Variants in ADGRL4 observed in about 807,000 individuals in gnomAD.
ADGRL4 encodes adhesion G protein-coupled receptor L4.
ADGRL4 carries 90 observed loss-of-function variants against 74.8 expected under a neutral mutation model. The observed-to-expected ratio is 1.20, with a 90% confidence interval of 1.02 to 1.43. ADGRL4 has a LOEUF of 1.43. Among genes scored for constraint, ADGRL4 ranks in the 40% most tolerant of loss-of-function variants. The probability of loss-of-function intolerance (pLI) is 0.00; values close to 1 mark genes in which losing one functional copy is unlikely to be tolerated. For synonymous variants in ADGRL4, 311 were observed against 279.2 expected (o/e 1.11, Z -1.14); for missense variants, 881 against 814.3 (o/e 1.08, Z -1.00).
At chr1:78,942,668 C>T (rs1233428672) in intron 3 of ADGRL4, among the ~76,000 whole-genome samples, 1 of 150,450 alleles carries the variant, frequency 6.6e-6, no homozygotes, top group Non-Finnish European at 1.5e-5. Context: ...CTGGCTCACA[C>T]CTGTAATCCC....
intron 3 of ADGRL4, among the ~76,000 whole-genome samples, chr1:78,944,547 T>C (rs1050555259): frequency 6.6e-6 from 1 of 152,214 alleles, no homozygotes; most frequent in African/African-American, 2.4e-5. Context: ...AAATTACCAT[T>C]CAACAGTAAT....
chr1:78,975,638 G>A (rs4147223), intron 2 of ADGRL4, among the ~76,000 whole-genome samples: 92,632 of 151,594 alleles, frequency 0.61, 28,279 homozygotes, highest in East Asian at 0.72. Flanking sequence ...TACATGAATT[G>A]TTATATATAA....
intron 4 of ADGRL4, among the ~76,000 whole-genome samples, 154 bp from the exon 5 acceptor site, chr1:78,938,433 C>T (rs552934240): frequency 1.3e-5 from 2 of 152,210 alleles, no homozygotes; most frequent in Admixed American, 1.3e-4. Flanking sequence ...TAACATGCAT[C>T]ATTGAAACCT....
At chr1:78,923,710 AAAAAT>A (rs1649048570) in intron 8 of ADGRL4, among the ~76,000 whole-genome samples, 1 of 152,018 alleles carries the variant, frequency 6.6e-6, no homozygotes, top group African/African-American at 2.4e-5. Flanking sequence ...TCAGGATTGA[AAAAAT>A]AAAGTTTCTC....
Position 78,926,977 on chromosome 1 carries a change from A to G in ADGRL4, c.992T>C (p.Val331Ala), listed in dbSNP as rs774980334. 1 of 1,611,668 alleles carries G rather than the reference A, an allele frequency of 6.2e-7. No individual in the cohort carries two copies. The highest frequency in any genetic ancestry group is 8.5e-7 in the Non-Finnish European group (1 of 1,178,400). ...TGAGACTGAAATTACTGAAGATATGACTCTTTCCTCCTCTTCAGAATTATC... is the reference window on the plus strand; with the variant it reads ...TGAGACTGAAATTACTGAAGATATGGCTCTTTCCTCCTCTTCAGAATTATC... ...NYDNSEEEERVISSVISVSMS... is the reference protein window; with the variant it reads ...NYDNSEEEERAISSVISVSMS... The change falls in exon 8 of 15, where the codon GTC (valine) becomes GCC (alanine). Residue 331 changes from valine (V) to alanine (A), a missense_variant. Transcript: ENST00000370742.
At chr1:78,901,759 T>C (rs1648525999) in intron 12 of ADGRL4, among the ~76,000 whole-genome samples, 1 of 152,268 alleles carries the variant, frequency 6.6e-6, no homozygotes, top group Non-Finnish European at 1.5e-5. Flanking sequence ...CCCCCACATA[T>C]AGCTACATGA....
intron 12 of ADGRL4, among the ~76,000 whole-genome samples, chr1:78,899,266 T>C (rs1248424152): frequency 6.6e-6 from 1 of 152,190 alleles, no homozygotes; most frequent in Non-Finnish European, 1.5e-5. Context: ...GAACAACAGA[T>C]GGGTTTCTAC....
At chr1:78,998,181 T>G (rs373463751) in intron 2 of ADGRL4, among the ~76,000 whole-genome samples, 2 of 151,864 alleles carry the variant, frequency 1.3e-5, no homozygotes, top group African/African-American at 4.8e-5. Context: ...CCCCCTTTTG[T>G]GGCATTTGAC....
rs141124674 is a variant in ADGRL4, at chr1:78,899,325, G to A, written c.1750-6136C>T. 9.1e-3 allele frequency among the ~76,000 whole-genome samples: 1,377 copies of A among 152,132 alleles called. 12 individuals are homozygous for A. Among genetic ancestry groups the A allele is most frequent in the Non-Finnish European group, 0.015 (1,000 of 67,990 alleles). On this transcript the variant is annotated intron_variant, in intron 12 of 14. Coordinates refer to ENST00000370742, the MANE Select transcript of ADGRL4 (RefSeq NM_022159.4). ...ATACAGCAGCTTTTCATTCTCAATCGTTATACCACTGCAGAAATGGCTATG... is the reference window on the plus strand; with the variant it reads ...ATACAGCAGCTTTTCATTCTCAATCATTATACCACTGCAGAAATGGCTATG...
At chr1:78,976,142 A>G (rs1650275682) in intron 2 of ADGRL4, among the ~76,000 whole-genome samples, 1 of 151,984 alleles carries the variant, frequency 6.6e-6, no homozygotes, top group Non-Finnish European at 1.5e-5. Flanking sequence ...AGGTGACTAG[A>G]GTTTACAGGA....
intron 8 of ADGRL4, among the ~76,000 whole-genome samples, chr1:78,926,107 A>G (rs1649107899): frequency 6.6e-6 from 1 of 151,994 alleles, no homozygotes; most frequent in Non-Finnish European, 1.5e-5. Flanking sequence ...GTGTGAGCAA[A>G]TATACTCTTT....
intron 2 of ADGRL4, among the ~76,000 whole-genome samples, chr1:78,980,435 A>T (rs564223982): frequency 6.6e-6 from 1 of 152,088 alleles, no homozygotes; most frequent in South Asian, 2.1e-4. Context: ...ACAATATATC[A>T]TTGTCTCCAA....
chr1:78,893,235 A>G, intron 12 of ADGRL4, 46 bp from the exon 13 acceptor site: 1 of 1,146,048 alleles, frequency 8.7e-7, no homozygotes, highest in Non-Finnish European at 1.3e-6. Context: ...TTCATCTTAA[A>G]TTGGATACAT....
At position 78,891,590 on chromosome 1, in the gene ADGRL4, G is replaced by A. The variant is rs1423853239; in HGVS notation, c.1944C>T (p.Leu648=). 3 of 1,613,450 alleles carry A rather than the reference G, an allele frequency of 1.9e-6. No individual in the cohort carries two copies. The highest frequency in any genetic ancestry group is 1.7e-5 in the Admixed American group (1 of 59,914). ...VVHASVVTAY[L]FTVSNAFQGM... is the part of the protein sequence containing the mutation. ...CCTGGAAAGCATTGCTGACTGTGAA[G>A]AGGTAAGCTGTAACCACTGATGCGT... Residue 648 remains leucine, a synonymous_variant, in exon 14 of 15, where the codon CTC becomes CTT. Transcript: ENST00000370742.
At chr1:78,962,312 AT>A (rs1649970975) in intron 2 of ADGRL4, among the ~76,000 whole-genome samples, 1 of 151,898 alleles carries the variant, frequency 6.6e-6, no homozygotes, top group Non-Finnish European at 1.5e-5. Flanking sequence ...ACTCCTACAT[AT>A]TTTTTCCTCC....
intron 2 of ADGRL4, among the ~76,000 whole-genome samples, chr1:78,954,275 G>T (rs932700559): frequency 6.6e-6 from 1 of 152,012 alleles, no homozygotes; most frequent in Non-Finnish European, 1.5e-5. Context: ...GAGAAGACTC[G>T]TTATCTAATT....
chr1:78,895,811 GT>G (rs976920485), intron 12 of ADGRL4, among the ~76,000 whole-genome samples: 8 of 152,086 alleles, frequency 5.3e-5, no homozygotes, highest in African/African-American at 1.9e-4. Context: ...TTTATTTGCT[GT>G]TTTGTTCAAT....
In ADGRL4 at chr1:78,952,758, G is replaced by A. The variant is rs189783205; in HGVS notation, c.173-6332C>T. On this transcript the variant is annotated intron_variant, in intron 2 of 14. Coordinates refer to ENST00000370742, the MANE Select transcript of ADGRL4 (RefSeq NM_022159.4). ...AAGCAGAGTTATACAAGAATAAAAT[G>A]TTTGTGTTGGGTATTTATTATTATT... Among the ~76,000 whole-genome samples, 3 of 151,988 alleles carry A rather than the reference G, an allele frequency of 2.0e-5. No individual in the cohort carries two copies. In the East Asian group the frequency reaches 5.8e-4, roughly 29 times the overall value.
At chr1:78,937,671 C>A in intron 6 of ADGRL4, 136 bp downstream of exon 6, 1 of 731,882 alleles carries the variant, frequency 1.4e-6, no homozygotes, top group Admixed American at 2.7e-5. Flanking sequence ...CATCACCATT[C>A]ATTTGTACAC....
Sources: allele counts gnomAD v4.1 joint callset (sites outside exome capture counted in the v4.1 genomes callset), GRCh38; gene constraint gnomAD v4.1.1; transcripts MANE v1.5; gene names NCBI Gene and HGNC (gene_info 2026-07-23, HGNC 2026-07-21).